EVA1C: variants seen among roughly 807,000 people sequenced by gnomAD.
EVA1C encodes eva-1 homolog C, also known as protein eva-1 homolog C.
Under a neutral mutation model 45.4 loss-of-function variants are expected in EVA1C, and 25 were observed. The ratio of observed to expected loss-of-function variants is 0.55; its 90% CI spans 0.40 to 0.77. The LOEUF (loss-of-function observed/expected upper bound fraction) is 0.77, where lower values mean the gene tolerates loss of function less well. Ranked by LOEUF, EVA1C falls within the 30% of genes least tolerant of loss-of-function variation. EVA1C has a pLI of 0.00. For missense variants in EVA1C, 479 were observed against 554.8 expected (o/e 0.86, Z 1.37); for synonymous variants, 190 against 221.2 (o/e 0.86, Z 1.25).
intron 4 of EVA1C, among the ~76,000 whole-genome samples, chr21:32,471,103 C>T (rs2036354811): frequency 6.6e-6 from 1 of 151,842 alleles, no homozygotes; most frequent in African/African-American, 2.4e-5. Flanking sequence ...CCCTTCCTAA[C>T]ACCCTGCAGG....
intron 2 of EVA1C, among the ~76,000 whole-genome samples, chr21:32,454,216 G>A (rs192226644): frequency 5.3e-4 from 81 of 152,252 alleles, no homozygotes; most frequent in African/African-American, 1.7e-3. Flanking sequence ...GCAACAGAGC[G>A]AGACTCCATC....
At chr21:32,504,836 T>A (rs2037672378) in intron 7 of EVA1C, among the ~76,000 whole-genome samples, 1 of 152,004 alleles carries the variant, frequency 6.6e-6, no homozygotes, top group Non-Finnish European at 1.5e-5. Flanking sequence ...TCTCATGCTA[T>A]TAATAAAGAC....
In EVA1C at chr21:32,413,009, C is replaced by T; in HGVS notation, c.156C>T (p.Phe52=). ...CSKEISALTD[F]SGYLTKLLQN... ...AAGAGATCTCAGCGCTCACCGACTT[C>T]TCTGGTAAGAGCGCCCTCCCTGGCT... The change falls in exon 1 of 8, where the codon TTC becomes TTT. Residue 52 remains phenylalanine (F), a synonymous_variant. Transcript: ENST00000300255. 7.0e-7 allele frequency: 1 copy of T among 1,420,006 alleles called. No individual in the cohort carries two copies. The highest frequency in any genetic ancestry group is 9.3e-7 in the Non-Finnish European group (1 of 1,077,218). 88.0% of individuals were successfully genotyped at this position (1,420,006 alleles called of 1,614,324 possible).
At position 32,429,842 on chromosome 21, in the gene EVA1C, A is replaced by G. The variant is rs2034630815; in HGVS notation, c.160+16829A>G. On this transcript the variant is annotated intron_variant, in intron 1 of 7. Transcript: ENST00000300255. Reference sequence around the variant, plus strand: ...CTCCTAGTAAATTTATTTAACCAATATATTCAAAATATTATTATTTCAACA... The same window carrying G: ...CTCCTAGTAAATTTATTTAACCAATGTATTCAAAATATTATTATTTCAACA... 2.6e-5 allele frequency among the ~76,000 whole-genome samples: 4 copies of G among 152,244 alleles called. No homozygotes were observed. The South Asian group carries it at 8.3e-4, about 32-fold the overall frequency.
At chr21:32,453,047 G>C (rs2035640937) in intron 1 of EVA1C, 1 of 398,918 alleles carries the variant, frequency 2.5e-6, no homozygotes, top group African/African-American at 2.0e-5. Flanking sequence ...CCCATGGGTG[G>C]AGCCCTCGCC....
rs116739642 is a variant in EVA1C, at chr21:32,426,923, C to T, written c.160+13910C>T. Among the ~76,000 whole-genome samples, 501 of 152,318 alleles carry T rather than the reference C, an allele frequency of 3.3e-3. 9 individuals carry two copies. The highest frequency in any genetic ancestry group is 0.012 in the African/African-American group (480 of 41,556). On this transcript the variant is annotated intron_variant, in intron 1 of 7. Coordinates refer to ENST00000300255, the MANE Select transcript of EVA1C (RefSeq NM_058187.5). ...GCAGTATTTGTACAGTTTTGTGACT[C>T]AGTCCATCTGAATTTCCAAGCATTT...
intron 1 of EVA1C, among the ~76,000 whole-genome samples, chr21:32,417,993 T>A (rs557463277): frequency 1.4e-4 from 21 of 152,190 alleles, no homozygotes; most frequent in Middle Eastern, 3.4e-3. Flanking sequence ...ATGCATCAGG[T>A]CATCCAAGGG....
intron 1 of EVA1C, among the ~76,000 whole-genome samples, chr21:32,430,661 G>A (rs1475318759): frequency 1.3e-5 from 2 of 151,988 alleles, no homozygotes; most frequent in Non-Finnish European, 2.9e-5. Context: ...CTTGTGCAGG[G>A]GAGCTCCCCT....
intron 1 of EVA1C, among the ~76,000 whole-genome samples, chr21:32,417,675 A>G (rs1021098054): frequency 1.3e-5 from 2 of 152,198 alleles, no homozygotes; most frequent in African/African-American, 2.4e-5. Flanking sequence ...TGGTAATTCA[A>G]TTGATCCCGG....
chr21:32,423,150 T>C (rs1415276094), intron 1 of EVA1C, among the ~76,000 whole-genome samples: 1 of 151,250 alleles, frequency 6.6e-6, no homozygotes, highest in African/African-American at 2.4e-5. Context: ...CATTCCTTGC[T>C]CTGTCTTCCT....
intron 4 of EVA1C, among the ~76,000 whole-genome samples, chr21:32,487,948 GC>G (rs1182741812): frequency 3.3e-5 from 5 of 152,178 alleles, no homozygotes; most frequent in Non-Finnish European, 1.5e-5. Flanking sequence ...TCAGTCAGAG[GC>G]CCAGGCTTGC....
Position 32,483,230 on chromosome 21 carries a change from C to A in EVA1C, c.635-11797C>A, listed in dbSNP as rs79824292. ...TGCCATGTCCTCATCCCATTCCCAC[C>A]TTTGCAAATGGTCTATTTATTAAGC... On this transcript the variant is annotated intron_variant, in intron 4 of 7. Transcript: ENST00000300255. 6.1e-3 allele frequency among the ~76,000 whole-genome samples: 930 copies of A among 152,246 alleles called. 18 individuals are homozygous for A. The highest frequency in any genetic ancestry group is 0.036 in the Admixed American group (543 of 15,288).
In EVA1C at chr21:32,457,578, T is replaced by C; in HGVS notation, c.358-19T>C. On this transcript the variant is annotated intron_variant, in intron 2 of 7. Transcript: ENST00000300255. Reference sequence around the variant, plus strand: ...TGAGCAGTTTTCAAGCCTGTCCCTTTTCTACCCTCTCCTTCTAGAAGGTGC... The same window carrying C: ...TGAGCAGTTTTCAAGCCTGTCCCTTCTCTACCCTCTCCTTCTAGAAGGTGC... The C allele has an allele frequency of 6.2e-7, 1 of 1,614,042 alleles. No individual in the cohort carries two copies. The highest frequency in any genetic ancestry group is 8.5e-7 in the Non-Finnish European group (1 of 1,180,008).
intron 1 of EVA1C, among the ~76,000 whole-genome samples, chr21:32,416,016 G>A (rs1321556825): frequency 2.0e-5 from 3 of 152,186 alleles, no homozygotes; most frequent in Non-Finnish European, 4.4e-5. Flanking sequence ...ATAATGCTAT[G>A]CCCATAGTTC....
Position 32,487,959 on chromosome 21 carries a change from C to T in EVA1C, c.635-7068C>T, listed in dbSNP as rs112089226. Among the ~76,000 whole-genome samples, 43 of 152,246 alleles carry T rather than the reference C, an allele frequency of 2.8e-4. 1 individual carries two copies. Among genetic ancestry groups the T allele is most frequent in the African/African-American group, 9.9e-4 (41 of 41,550 alleles). ...GTGGTCAGTCAGAGGCCCAGGCTTGCGATTGGCATCTGATGAGGGGCTGGG... is the reference window on the plus strand; with the variant it reads ...GTGGTCAGTCAGAGGCCCAGGCTTGTGATTGGCATCTGATGAGGGGCTGGG... On this transcript the variant is annotated intron_variant, in intron 4 of 7. Transcript: ENST00000300255.
intron 6 of EVA1C, among the ~76,000 whole-genome samples, 183 bp from the exon 7 acceptor site, chr21:32,503,743 T>A (rs1049026120): frequency 6.6e-6 from 1 of 152,162 alleles, no homozygotes; most frequent in African/African-American, 2.4e-5. Flanking sequence ...CGGGGACTGC[T>A]TACTATTTAA....
intron 2 of EVA1C, among the ~76,000 whole-genome samples, chr21:32,455,814 G>T (rs965389231): frequency 6.6e-6 from 1 of 152,148 alleles, no homozygotes; most frequent in African/African-American, 2.4e-5. Context: ...TGACGTTGTT[G>T]GGAGGGTTTG....
Position 32,461,726 on chromosome 21 carries a change from G to A in EVA1C, c.481+4006G>A, listed in dbSNP as rs78855736. On this transcript the variant is annotated intron_variant, in intron 3 of 7. Transcript: ENST00000300255. ...ATCGGGTTTATTTGTTTGTCTTTAC[G>A]GAAAGCTATTTTACCAGCAAGGCTC... Among the ~76,000 whole-genome samples the A allele has an allele frequency of 1.1e-3, 170 of 152,272 alleles. 2 individuals are homozygous for A. The highest frequency in any genetic ancestry group is 3.9e-3 in the African/African-American group (164 of 41,542).
intron 4 of EVA1C, among the ~76,000 whole-genome samples, chr21:32,468,344 C>T (rs1568916997): frequency 6.6e-6 from 1 of 151,466 alleles, no homozygotes; most frequent in East Asian, 1.9e-4. Context: ...TGCGCTCCAG[C>T]CTGGGTGACA....
Sources: gnomAD v4.1 joint callset for allele counts (sites outside exome capture counted in the v4.1 genomes callset) on GRCh38, gnomAD v4.1.1 for gene constraint, MANE v1.5 for transcripts, NCBI Gene and HGNC (gene_info 2026-07-23, HGNC 2026-07-21) for gene names.